Variants in PTPN14 observed in about 807,000 individuals in gnomAD.
PTPN14 encodes tyrosine-protein phosphatase non-receptor type 14.
A neutral mutation model predicts 126.8 loss-of-function variants in PTPN14; 53 were observed. The ratio of observed to expected loss-of-function variants is 0.42; its 90% CI spans 0.34 to 0.53. The LOEUF (loss-of-function observed/expected upper bound fraction) is 0.53, where lower values mean the gene tolerates loss of function less well. PTPN14 is among the 20% of genes least tolerant of loss of function. The pLI, the probability that PTPN14 is intolerant of heterozygous loss-of-function variation, is 0.08. For synonymous variants in PTPN14, 630 were observed against 599.3 expected, an observed-to-expected ratio of 1.05 and a Z score of -0.75; for missense variants, 1,257 against 1,552.9, an observed-to-expected ratio of 0.81 and a Z score of 3.20.
Position 214,383,323 on chromosome 1 carries a change from C to T in PTPN14, c.2532G>A (p.Glu844=), listed in dbSNP as rs1018541665. The T allele has an allele frequency of 6.2e-6, 10 of 1,609,872 alleles. No homozygotes were observed. Among genetic ancestry groups the T allele is most frequent in the Non-Finnish European group, 8.5e-6 (10 of 1,176,706 alleles). Residue 844 remains glutamate (E), a synonymous_variant, in exon 13 of 19, where the codon GAG becomes GAA. Transcript: ENST00000366956. This position sits in a 1 kb window ranked among gnomAD's most constrained non-coding sequence, Gnocchi z 4.4. ...FSLEDSIIER[E]MMIRNLEKQK... ...GGAGGACACTCACCCTGATCATCATCTCTCTCTCTATAATGCTGTCTTCCA... is the reference window on the plus strand; with the variant it reads ...GGAGGACACTCACCCTGATCATCATTTCTCTCTCTATAATGCTGTCTTCCA...
intron 17 of PTPN14, among the ~76,000 whole-genome samples, chr1:214,367,185 C>A (rs115698240): frequency 1.3e-5 from 2 of 152,054 alleles, no homozygotes; most frequent in African/African-American, 4.8e-5. Context: ...TCAATTAGCA[C>A]GTGATCAGGT....
chr1:214,507,798 A>C (rs2102439701), intron 1 of PTPN14, among the ~76,000 whole-genome samples: 1 of 152,326 alleles, frequency 6.6e-6, no homozygotes, highest in African/African-American at 2.4e-5. Flanking sequence ...TAGTCTATAA[A>C]GTGTGCAAAA....
intron 1 of PTPN14, chr1:214,532,135 G>T: frequency 7.4e-6 from 2 of 269,860 alleles, no homozygotes; most frequent in Non-Finnish European, 1.5e-5. Flanking sequence ...TGAAGTAGTA[G>T]TATACTGAGG....
At chr1:214,448,765 G>C (rs558384425) in intron 3 of PTPN14, among the ~76,000 whole-genome samples, 1 of 152,120 alleles carries the variant, frequency 6.6e-6, no homozygotes, top group Non-Finnish European at 1.5e-5. Flanking sequence ...CCTGGTCCAC[G>C]TGACAACATT....
Position 214,352,849 on chromosome 1 carries a change from T to C in PTPN14, c.*5073A>G, listed in dbSNP as rs1007807545. 3.3e-5 allele frequency: 5 copies of C among 152,274 alleles called. No individual in the cohort carries two copies. Among genetic ancestry groups the C allele is most frequent in the East Asian group, 1.9e-4 (1 of 5,178 alleles). 9.4% of individuals were successfully genotyped at this position (152,274 alleles called of 1,614,324 possible). A position where few individuals can be genotyped will look rare whatever the true frequency, so the allele number is the denominator to read the frequency against. On this transcript the variant is annotated 3_prime_UTR_variant, in exon 19 of 19. Transcript: ENST00000366956. ...GAGCATGATGAGTGTCTCAAAACCATTGGCAATATAATAAAACACAGCAGC... is the reference window on the plus strand; with the variant it reads ...GAGCATGATGAGTGTCTCAAAACCACTGGCAATATAATAAAACACAGCAGC...
chr1:214,545,533 G>A (rs1015158467), intron 1 of PTPN14, among the ~76,000 whole-genome samples: 4 of 152,192 alleles, frequency 2.6e-5, no homozygotes, highest in Non-Finnish European at 5.9e-5. Flanking sequence ...TTTACCATGA[G>A]TTTTGGAGGG....
intron 2 of PTPN14, 96 bp from the exon 3 acceptor site, chr1:214,452,070 G>A (rs1408005885): frequency 3.6e-6 from 5 of 1,379,956 alleles, no homozygotes; most frequent in Non-Finnish European, 4.0e-6. Flanking sequence ...ATCCCACCCT[G>A]GGTTCCCCAG....
At chr1:214,472,612 G>A (rs1299974562) in intron 1 of PTPN14, among the ~76,000 whole-genome samples, 1 of 152,188 alleles carries the variant, frequency 6.6e-6, no homozygotes, top group Non-Finnish European at 1.5e-5. Flanking sequence ...TGACCTCAGT[G>A]ACTCTTCAAA....
intron 3 of PTPN14, among the ~76,000 whole-genome samples, chr1:214,427,795 A>AT (rs1462509299): frequency 6.6e-6 from 1 of 152,200 alleles, no homozygotes; most frequent in Admixed American, 6.5e-5. Context: ...TGAAAAAAAA[A>AT]TGAGGAGCTA....
chr1:214,468,103 G>A (rs1660680741), intron 1 of PTPN14, among the ~76,000 whole-genome samples: 1 of 152,166 alleles, frequency 6.6e-6, no homozygotes, highest in African/African-American at 2.4e-5. Flanking sequence ...ACAGAAATTA[G>A]ATGATATTAA....
At chr1:214,505,700 T>C (rs919678031) in intron 1 of PTPN14, among the ~76,000 whole-genome samples, 1 of 152,140 alleles carries the variant, frequency 6.6e-6, no homozygotes, top group African/African-American at 2.4e-5. Context: ...ATTTGAGACA[T>C]GCCTAGGCAA....
At chr1:214,497,156 A>G (rs1343770600) in intron 1 of PTPN14, among the ~76,000 whole-genome samples, 1 of 152,132 alleles carries the variant, frequency 6.6e-6, no homozygotes, top group Non-Finnish European at 1.5e-5. Context: ...AAAGAAAACA[A>G]CAACCTGGAG....
At chr1:214,422,239 G>T (rs1288888241) in intron 3 of PTPN14, among the ~76,000 whole-genome samples, 1 of 152,194 alleles carries the variant, frequency 6.6e-6, no homozygotes, top group African/African-American at 2.4e-5. Context: ...TACTCATTCA[G>T]TGTGAAATGT....
chr1:214,449,445 T>G (rs1489628713), intron 3 of PTPN14, among the ~76,000 whole-genome samples: 1 of 152,234 alleles, frequency 6.6e-6, no homozygotes, highest in African/African-American at 2.4e-5. Flanking sequence ...AATACTTCAT[T>G]TTTCTTACAG....
chr1:214,417,867 G>A lies in PTPN14; in HGVS notation c.345-3141C>T, dbSNP rs544190313. Among the ~76,000 whole-genome samples, 21 of 152,108 alleles carry A rather than the reference G, an allele frequency of 1.4e-4. No homozygotes were observed. In the East Asian group the frequency reaches 2.1e-3, roughly 15 times the overall value. On this transcript the variant is annotated intron_variant, in intron 3 of 18. Coordinates refer to ENST00000366956, the MANE Select transcript of PTPN14 (RefSeq NM_005401.5). The stretch of plus-strand genomic sequence containing the variant: ...TCATTCCAAGTCCAGTTCAGCAGAC[G>A]TGCCCAAAACAGGAGAGAGCCATGT...
At chr1:214,547,671 T>G (rs932786011) in intron 1 of PTPN14, among the ~76,000 whole-genome samples, 2 of 152,192 alleles carry the variant, frequency 1.3e-5, no homozygotes, top group Non-Finnish European at 2.9e-5. Flanking sequence ...TATCCTAACA[T>G]TCTTTAATCA....
intron 13 of PTPN14, among the ~76,000 whole-genome samples, chr1:214,379,500 T>C (rs1285878732): frequency 6.6e-6 from 1 of 151,872 alleles, no homozygotes; most frequent in African/African-American, 2.4e-5. Flanking sequence ...ACCAAAGGAG[T>C]ATCTCAGAGG....
chr1:214,456,893 G>C (rs1484991578), intron 2 of PTPN14, among the ~76,000 whole-genome samples: 2 of 152,150 alleles, frequency 1.3e-5, no homozygotes, highest in African/African-American at 4.8e-5. Context: ...CTCTTCAGTC[G>C]ATTCTTAATC....
chr1:214,417,685 A>G (rs6700793), intron 3 of PTPN14, among the ~76,000 whole-genome samples: 2,044 of 152,290 alleles, frequency 0.013, 59 homozygotes, highest in African/African-American at 0.046. Context: ...TTTACTTGCA[A>G]TTCTGTTCAT....
Sources: gnomAD v4.1 joint callset for allele counts (sites outside exome capture counted in the v4.1 genomes callset) on GRCh38, gnomAD v4.1.1 for gene constraint, Gnocchi (gnomAD v3.1) non-coding constraint, MANE v1.5 for transcripts, NCBI Gene and HGNC (gene_info 2026-07-23, HGNC 2026-07-21) for gene names.